GPC5: variants seen among roughly 807,000 people sequenced by gnomAD.
GPC5 encodes glypican 5, also known as glypican-5.
GPC5 carries 47 observed loss-of-function variants against 53.9 expected under a neutral mutation model. That is an observed-to-expected ratio of 0.87 (90% CI 0.69 to 1.11). The LOEUF (loss-of-function observed/expected upper bound fraction) is 1.11. GPC5 is among the 50% of genes most tolerant of loss of function. The probability of loss-of-function intolerance (pLI) is 0.00; values close to 1 mark genes in which losing one functional copy is unlikely to be tolerated. For missense variants in GPC5, 748 were observed against 713.1 expected (o/e 1.05, Z -0.56); for synonymous variants, 286 against 263.3 (o/e 1.09, Z -0.84).
At chr13:92,691,539 G>T (rs1223853077) in intron 7 of GPC5, among the ~76,000 whole-genome samples, 4 of 151,858 alleles carry the variant, frequency 2.6e-5, no homozygotes, top group African/African-American at 4.8e-5. Flanking sequence ...CGTCGCTCAC[G>T]CTGGGAGCTG....
chr13:92,446,347 GT>G (rs1877826248), intron 7 of GPC5: 1 of 151,272 alleles, frequency 6.6e-6, no homozygotes, highest in Admixed American at 6.6e-5. Flanking sequence ...GAGAAAATGT[GT>G]ATTTGTCTTT....
intron 7 of GPC5, among the ~76,000 whole-genome samples, chr13:92,147,500 T>G (rs191716407): frequency 5.3e-5 from 8 of 152,156 alleles, no homozygotes; most frequent in African/African-American, 1.9e-4. Context: ...GTCACTCTTT[T>G]TTGTTTGTTT....
intron 7 of GPC5, among the ~76,000 whole-genome samples, chr13:92,460,237 C>T (rs1224235968): frequency 1.3e-5 from 2 of 152,134 alleles, no homozygotes; most frequent in South Asian, 2.1e-4. Flanking sequence ...CAATTTGTAT[C>T]GTATTTTTAT....
At chr13:92,762,301 T>C (rs1206491868) in intron 7 of GPC5, among the ~76,000 whole-genome samples, 1 of 152,150 alleles carries the variant, frequency 6.6e-6, no homozygotes, top group South Asian at 2.1e-4. Context: ...GCCTAGAGTT[T>C]TTTTATGTGA....
chr13:92,251,734 A>T (rs192050868), intron 7 of GPC5, among the ~76,000 whole-genome samples: 1 of 152,132 alleles, frequency 6.6e-6, no homozygotes, highest in Non-Finnish European at 1.5e-5. Context: ...TGGGAAGAAT[A>T]AAGCCGGATT....
At chr13:91,866,562 C>G (rs189740730) in intron 5 of GPC5, among the ~76,000 whole-genome samples, 168 of 152,250 alleles carry the variant, frequency 1.1e-3, no homozygotes, top group Middle Eastern at 6.8e-3. Flanking sequence ...TTCGGCTCCC[C>G]CTTTGCCTTA....
chr13:91,469,732 A>T (rs915407198), intron 2 of GPC5, among the ~76,000 whole-genome samples: 6 of 152,162 alleles, frequency 3.9e-5, no homozygotes, highest in Admixed American at 3.9e-4. Context: ...ATAAAAATTC[A>T]GATTCATCTT....
intron 7 of GPC5, among the ~76,000 whole-genome samples, chr13:92,765,392 CTTTCT>C (rs1414803876): frequency 6.6e-6 from 1 of 152,142 alleles, no homozygotes; most frequent in African/African-American, 2.4e-5. Flanking sequence ...TTTGGATTTT[CTTTCT>C]TAATTCGTTG....
chr13:92,728,907 G>C (rs943255979), intron 7 of GPC5, among the ~76,000 whole-genome samples: 1 of 151,302 alleles, frequency 6.6e-6, no homozygotes, highest in Non-Finnish European at 1.5e-5. Flanking sequence ...TAATCAAGCT[G>C]CATATTTAGT....
Position 91,398,879 on chromosome 13 carries a change from C to A in GPC5, c.-168C>A. ...AGCTTAGGGCCTCCTCCGGGAAGAG[C>A]TAACTGCTCCCAGGTGAAGCCGGTG... On this transcript the variant is annotated 5_prime_UTR_variant, in exon 1 of 8. Transcript: ENST00000377067. The A allele has an allele frequency of 1.4e-6, 1 of 722,106 alleles. No homozygotes were observed. The highest frequency in any genetic ancestry group is 2.2e-6 in the Non-Finnish European group (1 of 461,892). The allele number at this position is 722,106 out of a possible 1,614,324, so 44.7% of individuals were successfully genotyped here.
At chr13:92,381,978 C>G (rs111277204) in intron 7 of GPC5, among the ~76,000 whole-genome samples, 10,457 of 133,558 alleles carry the variant, frequency 0.078, 976 homozygotes, top group African/African-American at 0.23. Context: ...ATCTATCTAT[C>G]TATCTATCTA....
intron 7 of GPC5, among the ~76,000 whole-genome samples, chr13:92,641,936 A>T (rs1885607701): frequency 6.6e-6 from 1 of 151,812 alleles, no homozygotes; most frequent in Non-Finnish European, 1.5e-5. Context: ...GATCAATCAG[A>T]TAGACAGCTG....
intron 2 of GPC5, among the ~76,000 whole-genome samples, chr13:91,562,495 A>T (rs980867230): frequency 1.3e-5 from 2 of 151,784 alleles, no homozygotes; most frequent in Non-Finnish European, 2.9e-5. Flanking sequence ...ACAGAGTCTC[A>T]CTCTGTCGCC....
intron 7 of GPC5, among the ~76,000 whole-genome samples, chr13:92,223,979 C>T (rs2042466870): frequency 2.0e-5 from 3 of 151,806 alleles, no homozygotes; most frequent in Admixed American, 6.6e-5. Flanking sequence ...CAATTTATGG[C>T]ATGTTGAAAA....
intron 7 of GPC5, chr13:92,448,124 T>G (rs1434622517): frequency 6.6e-6 from 1 of 152,116 alleles, no homozygotes; most frequent in Non-Finnish European, 1.5e-5. Context: ...GCAAATAATT[T>G]CTCTCAGTTC....
intron 5 of GPC5, among the ~76,000 whole-genome samples, chr13:91,905,553 A>G (rs2098623010): frequency 6.6e-6 from 1 of 152,058 alleles, no homozygotes; most frequent in Admixed American, 6.6e-5. Context: ...AAAAAGTTTA[A>G]TCACTGATTA....
At chr13:91,982,794 A>T (rs2040370892) in intron 6 of GPC5, among the ~76,000 whole-genome samples, 1 of 152,172 alleles carries the variant, frequency 6.6e-6, no homozygotes, top group Admixed American at 6.5e-5. Flanking sequence ...TTGATAATTG[A>T]CATCCTAGGT....
chr13:92,396,113 C>T (rs531398610), intron 7 of GPC5, among the ~76,000 whole-genome samples: 4 of 151,946 alleles, frequency 2.6e-5, no homozygotes, highest in Non-Finnish European at 5.9e-5. Context: ...AAATTATCCC[C>T]CAGTTCTTGG....
At chr13:92,467,794 C>T (rs1878755750) in intron 7 of GPC5, among the ~76,000 whole-genome samples, 1 of 151,994 alleles carries the variant, frequency 6.6e-6, no homozygotes, top group Admixed American at 6.6e-5. Context: ...TAAATTCCCT[C>T]CCCGAAAAAA....
Sources: allele counts gnomAD v4.1 joint callset (sites outside exome capture counted in the v4.1 genomes callset), GRCh38; gene constraint gnomAD v4.1.1; transcripts MANE v1.5; gene names NCBI Gene and HGNC (gene_info 2026-07-23, HGNC 2026-07-21).